The following MKLN1 variants were observed in gnomAD, a reference collection of about 807,000 sequenced individuals.
MKLN1 encodes muskelin 1, also known as muskelin.
Under a neutral mutation model 99.0 loss-of-function variants are expected in MKLN1, and 18 were observed. The observed-to-expected ratio is 0.18, with a 90% CI of 0.13 to 0.27. MKLN1 has a LOEUF of 0.27. Among genes scored for constraint, MKLN1 ranks in the 10% least tolerant of loss-of-function variants. The pLI, the probability that MKLN1 is intolerant of heterozygous loss-of-function variation, is 1.00. For missense variants in MKLN1, 621 were observed against 875.9 expected (o/e 0.71, Z 3.67); for synonymous variants, 288 against 293.2 (o/e 0.98, Z 0.18).
chr7:131,211,007 A>G (rs528045548), intron 3 of MKLN1, among the ~76,000 whole-genome samples: 9 of 151,724 alleles, frequency 5.9e-5, no homozygotes, highest in Non-Finnish European at 1.2e-4. Flanking sequence ...ACTGTCCTGG[A>G]CTAGAGTATA....
rs1231573102 is a variant in MKLN1, at chr7:131,114,221, C to T, written c.-419+4014C>T. ...CATTTTCATAAGCCATAAATCTGCTCCCATTATATCCTGCAGATATATCCT... is the reference window on the plus strand; with the variant it reads ...CATTTTCATAAGCCATAAATCTGCTTCCATTATATCCTGCAGATATATCCT... On this transcript the variant is annotated intron_variant, in intron 1 of 7. Transcript: ENST00000416992. 1.3e-5 allele frequency among the ~76,000 whole-genome samples: 2 copies of T among 152,124 alleles called. 1 individual carries two copies. Among genetic ancestry groups the T allele is most frequent in the Admixed American group, 1.3e-4 (2 of 15,284 alleles).
Position 131,158,108 on chromosome 7 carries a change from G to A in MKLN1, c.-297+15167G>A, listed in dbSNP as rs76619199. ...CATGGAAAAATTTCTCATTGTACCC[G>A]TAAGTACAGAACACATATTGCACAA... is the stretch of plus-strand genomic sequence containing the variant. On this transcript the variant is annotated intron_variant, in intron 2 of 7. Coordinates refer to the MKLN1 transcript ENST00000416992. Among the ~76,000 whole-genome samples the A allele has an allele frequency of 4.5e-3, 678 of 152,248 alleles. 9 individuals carry two copies. The highest frequency in any genetic ancestry group is 0.016 in the African/African-American group (644 of 41,538).
intron 3 of MKLN1, among the ~76,000 whole-genome samples, chr7:131,210,299 G>A (rs1796881563): frequency 6.6e-6 from 1 of 152,156 alleles, no homozygotes; most frequent in South Asian, 2.1e-4. Flanking sequence ...GGGAGGCCGA[G>A]GAGGGTGGAT....
chr7:131,201,745 G>A (rs542773722), intron 2 of MKLN1, among the ~76,000 whole-genome samples: 5 of 152,262 alleles, frequency 3.3e-5, no homozygotes, highest in African/African-American at 1.2e-4. Flanking sequence ...TACTAGGAGT[G>A]CCTTAATGAT....
chr7:131,162,414 A>C (rs983661530), intron 2 of MKLN1, among the ~76,000 whole-genome samples: 21 of 152,198 alleles, frequency 1.4e-4, no homozygotes. Flanking sequence ...ATGATTGCTT[A>C]TCAGTAGCAC....
intron 6 of MKLN1, among the ~76,000 whole-genome samples, chr7:131,404,547 A>G (rs745668538): frequency 6.6e-6 from 1 of 152,090 alleles, no homozygotes; most frequent in African/African-American, 2.4e-5. Flanking sequence ...CCTTGCTCAA[A>G]TGATCCCAAA....
At chr7:131,111,198 G>C (rs545636661) in intron 1 of MKLN1, among the ~76,000 whole-genome samples, 1 of 152,146 alleles carries the variant, frequency 6.6e-6, no homozygotes, top group Admixed American at 6.5e-5. Flanking sequence ...GCTAATGACT[G>C]TCTCAAAAGC....
At chr7:131,234,779 A>G (rs146109813) in intron 3 of MKLN1, among the ~76,000 whole-genome samples, 105 of 152,222 alleles carry the variant, frequency 6.9e-4, no homozygotes, top group Middle Eastern at 6.8e-3. Flanking sequence ...CTCTCTCCCA[A>G]AGCAATTTCC....
chr7:131,179,281 G>A (rs556223803), intron 2 of MKLN1, among the ~76,000 whole-genome samples: 1 of 152,294 alleles, frequency 6.6e-6, no homozygotes, highest in South Asian at 2.1e-4. Context: ...CTTAAGCAGG[G>A]CTGGAAATGA....
chr7:131,443,017 G>T (rs1012906979), intron 10 of MKLN1, among the ~76,000 whole-genome samples: 4 of 152,130 alleles, frequency 2.6e-5, no homozygotes, highest in African/African-American at 9.7e-5. Flanking sequence ...AATCTGAAGG[G>T]TTTTATAAAA....
chr7:131,457,684 G>A (rs996744239), intron 12 of MKLN1, among the ~76,000 whole-genome samples: 2 of 152,230 alleles, frequency 1.3e-5, no homozygotes, highest in African/African-American at 4.8e-5. Context: ...GGGAGGCCAA[G>A]ATGGGTGAAT....
chr7:131,265,795 A>G (rs886228960), intron 3 of MKLN1, among the ~76,000 whole-genome samples: 2 of 152,222 alleles, frequency 1.3e-5, no homozygotes, highest in Admixed American at 6.5e-5. Context: ...GTTAACTAAA[A>G]TAATGGAAAG....
chr7:131,452,793 C>T (rs1796222517), intron 12 of MKLN1, among the ~76,000 whole-genome samples: 1 of 152,118 alleles, frequency 6.6e-6, no homozygotes, highest in African/African-American at 2.4e-5. Context: ...TTGTGATCCG[C>T]CCGCCTCGGC....
At chr7:131,450,759 C>G (rs555254616) in intron 12 of MKLN1, among the ~76,000 whole-genome samples, 1 of 152,182 alleles carries the variant, frequency 6.6e-6, no homozygotes, top group Non-Finnish European at 1.5e-5. Context: ...GCTTGTAGAT[C>G]GTTGTCGCCC....
intron 3 of MKLN1, chr7:131,285,139 G>C (rs748011307): frequency 2.6e-5 from 4 of 152,298 alleles, no homozygotes; most frequent in African/African-American, 4.8e-5. Context: ...CCTGGCTGCT[G>C]TCCTAAGAGT....
rs1797334811 is a variant in MKLN1 at position 131,488,074 on chromosome 7, T to C, written c.*346T>C. The C allele has an allele frequency of 6.6e-6, 1 of 152,154 alleles. No individual in the cohort carries two copies. Among genetic ancestry groups the C allele is most frequent in the African/African-American group, 2.4e-5 (1 of 41,358 alleles). 9.4% of individuals were successfully genotyped at this position (152,154 alleles called of 1,614,324 possible). A position where few individuals can be genotyped will look rare whatever the true frequency, so the allele number is the denominator to read the frequency against. On this transcript the variant is annotated 3_prime_UTR_variant, in exon 18 of 18. Coordinates refer to ENST00000352689, the MANE Select transcript of MKLN1 (RefSeq NM_013255.5). ...AGATTTTTATTTCTTTTTTTTTTAA[T>C]TGGGGGAAATAAGCACTATTAACAG... is the stretch of plus-strand genomic sequence containing the variant.
intron 3 of MKLN1, among the ~76,000 whole-genome samples, chr7:131,253,826 G>GT (rs1328939220): frequency 1.3e-5 from 2 of 152,130 alleles, no homozygotes; most frequent in Admixed American, 6.6e-5. Flanking sequence ...TGAAAAGCAA[G>GT]TAAGAAGAAG....
At chr7:131,407,041 T>G (rs545118777) in intron 6 of MKLN1, among the ~76,000 whole-genome samples, 2 of 152,200 alleles carry the variant, frequency 1.3e-5, no homozygotes, top group African/African-American at 2.4e-5. Flanking sequence ...ATTTTCTCCT[T>G]TATCTTTTTT....
intron 2 of MKLN1, chr7:131,202,845 A>G (rs1796751401): frequency 1.3e-5 from 2 of 152,144 alleles, no homozygotes. Context: ...CTTCCCCACC[A>G]ACTAAATTTA....
Sources: gnomAD v4.1 joint callset for allele counts (sites outside exome capture counted in the v4.1 genomes callset) on GRCh38, gnomAD v4.1.1 for gene constraint, MANE v1.5 for transcripts, NCBI Gene and HGNC (gene_info 2026-07-23, HGNC 2026-07-21) for gene names.